GALNT18: variants seen among roughly 807,000 people sequenced by gnomAD.
GALNT18 encodes polypeptide N-acetylgalactosaminyltransferase 18, also known as GalNAc-transferase 18.
A neutral mutation model predicts 69.5 loss-of-function variants in GALNT18; 44 were observed. That is an observed-to-expected ratio of 0.63 (90% confidence interval 0.50 to 0.81). The LOEUF is 0.81. GALNT18 is among the 40% of genes least tolerant of loss of function. The pLI is 0.00. For synonymous variants in GALNT18, 364 were observed against 318.2 expected (o/e 1.14, Z -1.53); for missense variants, 715 against 810.0 (o/e 0.88, Z 1.42).
At chr11:11,371,380 G>A (rs978772635) in intron 6 of GALNT18, among the ~76,000 whole-genome samples, 2 of 152,240 alleles carry the variant, frequency 1.3e-5, no homozygotes, top group Non-Finnish European at 2.9e-5. Context: ...CAATCCTTCA[G>A]TGGGAATTGA....
At chr11:11,412,630 T>C (rs1396685873) in intron 3 of GALNT18, among the ~76,000 whole-genome samples, 2 of 152,224 alleles carry the variant, frequency 1.3e-5, no homozygotes, top group Non-Finnish European at 2.9e-5. Flanking sequence ...TTGGCCTGTG[T>C]AGATTTGGAC....
intron 6 of GALNT18, among the ~76,000 whole-genome samples, chr11:11,358,302 C>T (rs951642926): frequency 7.1e-6 from 1 of 140,474 alleles, no homozygotes; most frequent in Admixed American, 7.1e-5. Context: ...AATGAATAGA[C>T]AGATGAATAA....
At chr11:11,301,419 T>C (rs1849492641) in intron 9 of GALNT18, among the ~76,000 whole-genome samples, 1 of 152,168 alleles carries the variant, frequency 6.6e-6, no homozygotes, top group Admixed American at 6.5e-5. Flanking sequence ...AGAAGTTCGC[T>C]ACAGTGCTGA....
At chr11:11,448,360 C>T (rs896536987) in intron 2 of GALNT18, among the ~76,000 whole-genome samples, 13 of 152,114 alleles carry the variant, frequency 8.5e-5, no homozygotes, top group East Asian at 3.9e-4. Context: ...TCAGATGTAA[C>T]GACTTGTTAG....
rs1374251328 is a variant in GALNT18, at chr11:11,496,844, C to T, written c.236-47908G>A. On this transcript the variant is annotated intron_variant, in intron 1 of 10. Transcript: ENST00000227756. This position sits in a 1 kb window ranked among gnomAD's most constrained non-coding sequence, Gnocchi z 4.0. Reference sequence around the variant, plus strand: ...AATCAACCACTTCTACGCCAGTTCCCTCACCCCCTGCCACCCATCAACCAC... The same window carrying T: ...AATCAACCACTTCTACGCCAGTTCCTTCACCCCCTGCCACCCATCAACCAC... Among the ~76,000 whole-genome samples the T allele has an allele frequency of 6.6e-6, 1 of 152,036 alleles. No homozygotes were observed. Among genetic ancestry groups the T allele is most frequent in the Non-Finnish European group, 1.5e-5 (1 of 67,996 alleles).
intron 9 of GALNT18, among the ~76,000 whole-genome samples, chr11:11,293,540 T>TTTC (rs1554911569): frequency 0.027 from 2,841 of 105,084 alleles, 96 homozygotes; most frequent in African/African-American, 0.074. Flanking sequence ...CCTCTTTTTT[T>TTTC]TTTTTTTTTT....
rs10831629 is a variant in GALNT18, at chr11:11,523,872, G to A, written c.236-74936C>T. 0.21 allele frequency among the ~76,000 whole-genome samples: 32,492 copies of A among 151,892 alleles called. 4,156 individuals are homozygous for A. The highest frequency in any genetic ancestry group is 0.27 in the Non-Finnish European group (18,395 of 67,948). ...TCATGGAATTGCCAAGAGAGGTAGC[G>A]AACCAGGCTCTCAGGTCACCAAGAA... On this transcript the variant is annotated intron_variant, in intron 1 of 10. Coordinates refer to ENST00000227756, the MANE Select transcript of GALNT18 (RefSeq NM_198516.3). This position sits in a 1 kb window ranked among gnomAD's most constrained non-coding sequence, Gnocchi z 4.3.
rs993646466 is a variant in GALNT18, at chr11:11,337,523, T to C, written c.1278+3296A>G. 6.6e-6 allele frequency among the ~76,000 whole-genome samples: 1 copy of C among 152,096 alleles called. No individual in the cohort carries two copies. Among genetic ancestry groups the C allele is most frequent in the Admixed American group, 6.6e-5 (1 of 15,266 alleles). ...CCAGATTTGAAAGCCACTGTTCTAA[T>C]GAGAGGGAGACTTTTAGATAACAGA... On this transcript the variant is annotated intron_variant, in intron 7 of 10. Coordinates refer to ENST00000227756, the MANE Select transcript of GALNT18 (RefSeq NM_198516.3). The surrounding 1 kb of genome is among the most constrained non-coding windows in gnomAD (Gnocchi z 4.9).
chr11:11,351,148 C>T (rs1271322395), intron 6 of GALNT18, among the ~76,000 whole-genome samples: 1 of 152,094 alleles, frequency 6.6e-6, no homozygotes, highest in Non-Finnish European at 1.5e-5. Context: ...AAGCAGTACC[C>T]CACTAGAGGC....
At chr11:11,280,993 G>A (rs934170856) in intron 10 of GALNT18, among the ~76,000 whole-genome samples, 5 of 152,178 alleles carry the variant, frequency 3.3e-5, no homozygotes, top group African/African-American at 1.2e-4. Context: ...TGTGGCCTGG[G>A]CATATCTGCT....
rs1854484074 is a variant in GALNT18 at position 11,402,243 on chromosome 11, A to T, written c.596-22979T>A. 6.6e-6 allele frequency among the ~76,000 whole-genome samples: 1 copy of T among 152,188 alleles called. No homozygotes were observed. The highest frequency in any genetic ancestry group is 1.5e-5 in the Non-Finnish European group (1 of 68,026). ...CCTTCAGAGTGTTTATAGAACAGAG[A>T]TTGTCTTAAACGATCCAGCCTGGTG... On this transcript the variant is annotated intron_variant, in intron 3 of 10. Transcript: ENST00000227756. The surrounding 1 kb of genome is among the most constrained non-coding windows in gnomAD (Gnocchi z 4.0).
Position 11,332,256 on chromosome 11 carries a change from T to C in GALNT18, c.1416+438A>G, listed in dbSNP as rs1850028355. On this transcript the variant is annotated intron_variant, in intron 8 of 10. Coordinates refer to ENST00000227756, the MANE Select transcript of GALNT18 (RefSeq NM_198516.3). The surrounding 1 kb of genome is among the most constrained non-coding windows in gnomAD (Gnocchi z 4.3). ...AAATAAAATAAATTCAAGATGGCTC[T>C]GTCTCTAGAACTCTTCTCAGGGAGG... Among the ~76,000 whole-genome samples the C allele has an allele frequency of 6.6e-6, 1 of 152,200 alleles. No individual in the cohort carries two copies. Among genetic ancestry groups the C allele is most frequent in the Non-Finnish European group, 1.5e-5 (1 of 68,032 alleles).
chr11:11,280,537 G>C (rs1849051131), intron 10 of GALNT18, among the ~76,000 whole-genome samples: 1 of 152,132 alleles, frequency 6.6e-6, no homozygotes. Flanking sequence ...GCGGCCTGCT[G>C]TTCCTCCACA....
At position 11,538,101 on chromosome 11, in the gene GALNT18, G is replaced by T. The variant is rs1857825746; in HGVS notation, c.235+83258C>A. On this transcript the variant is annotated intron_variant, in intron 1 of 10. Coordinates refer to ENST00000227756, the MANE Select transcript of GALNT18 (RefSeq NM_198516.3). This position sits in a 1 kb window ranked among gnomAD's most constrained non-coding sequence, Gnocchi z 5.2. ...ACTCTTATCACACCTCTGTGCTGGA[G>T]TTATCATCGACCTTGTTTTGCAGAG... Among the ~76,000 whole-genome samples, 1 of 152,178 alleles carries T rather than the reference G, an allele frequency of 6.6e-6. No individual in the cohort carries two copies. The highest frequency in any genetic ancestry group is 2.4e-5 in the African/African-American group (1 of 41,440).
intron 3 of GALNT18, among the ~76,000 whole-genome samples, chr11:11,425,618 T>C (rs1184491899): frequency 1.5e-5 from 2 of 135,410 alleles, no homozygotes; most frequent in Non-Finnish European, 3.4e-5. Context: ...AAAGAAAACT[T>C]TTTTTTTTTC....
At chr11:11,524,153 G>A (rs943405958) in intron 1 of GALNT18, among the ~76,000 whole-genome samples, 1 of 152,096 alleles carries the variant, frequency 6.6e-6, no homozygotes, top group Non-Finnish European at 1.5e-5. Context: ...GTTCTGATCA[G>A]CCTCTCTTCC....
At chr11:11,308,833 CA>C (rs1311688322) in intron 9 of GALNT18, among the ~76,000 whole-genome samples, 11 of 152,194 alleles carry the variant, frequency 7.2e-5, no homozygotes, top group African/African-American at 2.4e-4. Flanking sequence ...TCACACTGGG[CA>C]GCATTCACGT....
intron 9 of GALNT18, among the ~76,000 whole-genome samples, chr11:11,299,201 G>A (rs1409955309): frequency 1.3e-5 from 2 of 152,142 alleles, no homozygotes; most frequent in South Asian, 2.1e-4. Flanking sequence ...CTGGGGTGCA[G>A]TGGCATGATC....
At chr11:11,275,050 G>T (rs1378145482) in intron 10 of GALNT18, among the ~76,000 whole-genome samples, 1 of 152,172 alleles carries the variant, frequency 6.6e-6, no homozygotes, top group African/African-American at 2.4e-5. Flanking sequence ...GATACTTTGG[G>T]TACATACCCA....
Sources: gnomAD v4.1 joint callset for allele counts (sites outside exome capture counted in the v4.1 genomes callset) on GRCh38, gnomAD v4.1.1 for gene constraint, Gnocchi (gnomAD v3.1) non-coding constraint, MANE v1.5 for transcripts, NCBI Gene and HGNC (gene_info 2026-07-23, HGNC 2026-07-21) for gene names.